The following COG5 variants were observed in gnomAD, a reference collection of about 807,000 sequenced individuals.
COG5 encodes component of oligomeric golgi complex 5.
COG5 carries 86 observed loss-of-function variants against 110.4 expected under a neutral mutation model. That is an observed-to-expected ratio of 0.78 (90% confidence interval 0.65 to 0.93). The LOEUF (loss-of-function observed/expected upper bound fraction) is 0.93, where lower values mean the gene tolerates loss of function less well. Among genes scored for constraint, COG5 ranks in the 40% least tolerant of loss-of-function variants. COG5 has a pLI of 0.00. For synonymous variants in COG5, 360 were observed against 334.6 expected (o/e 1.08, Z -0.83); for missense variants, 1,077 against 987.0 (o/e 1.09, Z -1.22).
chr7:107,492,529 T>A (rs1013217410), intron 6 of COG5, among the ~76,000 whole-genome samples: 1 of 152,140 alleles, frequency 6.6e-6, no homozygotes, highest in Non-Finnish European at 1.5e-5. Flanking sequence ...GCTGGCAGAA[T>A]GGAAGTCCTT....
chr7:107,333,107 G>T (rs532735137), intron 10 of COG5, among the ~76,000 whole-genome samples: 1 of 152,276 alleles, frequency 6.6e-6, no homozygotes, highest in Non-Finnish European at 1.5e-5. Context: ...TTAGCAAAAG[G>T]TCTATGCCAG....
At chr7:107,337,014 A>C (rs575659505) in intron 10 of COG5, among the ~76,000 whole-genome samples, 1 of 152,366 alleles carries the variant, frequency 6.6e-6, no homozygotes, top group African/African-American at 2.4e-5. Flanking sequence ...TCTCAAGAGA[A>C]GACATACAAA....
At position 107,217,622 on chromosome 7, in the gene COG5, C is replaced by T. The variant is rs148751749; in HGVS notation, c.2169-6397G>A. On this transcript the variant is annotated intron_variant, in intron 19 of 21. Transcript: ENST00000297135. ...CAATAAATGTGATGCATCGTATCAG[C>T]AGAACAAAAGACAAAAACCATATGA... Among the ~76,000 whole-genome samples, 3 of 152,112 alleles carry T rather than the reference C, an allele frequency of 2.0e-5. No homozygotes were observed. The East Asian group carries it at 5.8e-4, about 29-fold the overall frequency.
intron 21 of COG5, among the ~76,000 whole-genome samples, chr7:107,204,480 T>C (rs1055071852): frequency 7.9e-5 from 12 of 152,328 alleles, no homozygotes; most frequent in South Asian, 4.1e-4. Context: ...TATTGGTCTA[T>C]TTAAGTACCA....
rs1404270979 is a variant in COG5 at position 107,201,373 on chromosome 7, T to TG, written c.*2142dup. The TG allele has an allele frequency of 7.5e-7, 1 of 1,332,354 alleles. No individual in the cohort carries two copies. Among genetic ancestry groups the TG allele is most frequent in the Non-Finnish European group, 1.1e-6 (1 of 928,248 alleles). The allele number at this position is 1,332,354 out of a possible 1,614,324, so 82.5% of individuals were successfully genotyped here. ...TTTCATATATAGGATTACTATGTATTGATTTGTAAACATTCACTGAGTTTA... is the reference window on the plus strand; with the variant it reads ...TTTCATATATAGGATTACTATGTATTGGATTTGTAAACATTCACTGAGTTTA... On this transcript the variant is annotated 3_prime_UTR_variant, in exon 22 of 22. Transcript: ENST00000297135.
At chr7:107,390,918 G>A (rs535993033) in intron 7 of COG5, among the ~76,000 whole-genome samples, 2 of 151,712 alleles carry the variant, frequency 1.3e-5, no homozygotes, top group South Asian at 2.1e-4. Context: ...AAGGCCAGAA[G>A]GTTTTTGCAA....
At chr7:107,537,406 G>T (rs1801662282) in intron 5 of COG5, among the ~76,000 whole-genome samples, 1 of 152,104 alleles carries the variant, frequency 6.6e-6, no homozygotes, top group Non-Finnish European at 1.5e-5. Context: ...ATACTATGCA[G>T]CCATAAAAAA....
chr7:107,491,742 C>T (rs1797985269), intron 6 of COG5, among the ~76,000 whole-genome samples: 2 of 152,134 alleles, frequency 1.3e-5, no homozygotes, highest in South Asian at 4.1e-4. Flanking sequence ...CAATGTGAAA[C>T]AAACATGATT....
intron 5 of COG5, among the ~76,000 whole-genome samples, chr7:107,531,110 T>C (rs1801171596): frequency 6.6e-6 from 1 of 152,204 alleles, no homozygotes; most frequent in Non-Finnish European, 1.5e-5. Flanking sequence ...TTGTTTTTAA[T>C]CTGTTCTCTC....
intron 10 of COG5, among the ~76,000 whole-genome samples, chr7:107,326,561 C>A (rs77118584): frequency 0.01 from 1,555 of 151,852 alleles, 13 homozygotes; most frequent in Non-Finnish European, 0.013. Context: ...TAACAGTATC[C>A]AAAAGAATAC....
intron 11 of COG5, among the ~76,000 whole-genome samples, chr7:107,303,346 T>G (rs1172526855): frequency 6.6e-6 from 1 of 152,190 alleles, no homozygotes; most frequent in African/African-American, 2.4e-5. Context: ...ATTAATTAAC[T>G]GTAAGTTACT....
At chr7:107,547,221 T>C (rs1337154539) in intron 5 of COG5, among the ~76,000 whole-genome samples, 1 of 152,126 alleles carries the variant, frequency 6.6e-6, no homozygotes, top group Admixed American at 6.6e-5. Flanking sequence ...TAGTTCAACA[T>C]GTGCAAATCA....
chr7:107,281,779 C>T (rs1411317523), intron 13 of COG5, among the ~76,000 whole-genome samples: 1 of 152,030 alleles, frequency 6.6e-6, no homozygotes, highest in Non-Finnish European at 1.5e-5. Context: ...AAATGATGAC[C>T]TTAAAGGGAC....
At chr7:107,484,222 CTT>C (rs1281463454) in intron 6 of COG5, among the ~76,000 whole-genome samples, 2 of 151,872 alleles carry the variant, frequency 1.3e-5, no homozygotes, top group Middle Eastern at 3.2e-3. Flanking sequence ...AGCAAGATGA[CTT>C]TAAGAATTTT....
chr7:107,282,448 G>A (rs1805245440), intron 13 of COG5, among the ~76,000 whole-genome samples: 1 of 152,176 alleles, frequency 6.6e-6, no homozygotes, highest in Non-Finnish European at 1.5e-5. Context: ...GGACCAAGAT[G>A]CTGGGCAATC....
chr7:107,482,894 G>A (rs1797434143), intron 6 of COG5, among the ~76,000 whole-genome samples: 1 of 152,028 alleles, frequency 6.6e-6, no homozygotes, highest in African/African-American at 2.4e-5. Flanking sequence ...CAAACCAGAA[G>A]TACTATTCTT....
chr7:107,509,282 G>C (rs1369843749), intron 6 of COG5, among the ~76,000 whole-genome samples: 2 of 152,182 alleles, frequency 1.3e-5, no homozygotes, highest in Non-Finnish European at 2.9e-5. Context: ...CGATCAACTG[G>C]AAGAAAGGGT....
Position 107,202,477 on chromosome 7 carries a change from A to G in COG5, c.*1039T>C, listed in dbSNP as rs367826914. On this transcript the variant is annotated 3_prime_UTR_variant, in exon 22 of 22. Coordinates refer to ENST00000297135, the MANE Select transcript of COG5 (RefSeq NM_006348.5). ...ATGTTGCCCCTAAATTTTGCACACT[A>G]TATTCTTGTATATTATTTCAAATAA... is the stretch of plus-strand genomic sequence containing the variant. The G allele has an allele frequency of 6.6e-6, 1 of 152,624 alleles. No homozygotes were observed. The highest frequency in any genetic ancestry group is 2.1e-4 in the South Asian group (1 of 4,824). 9.5% of individuals were successfully genotyped at this position (152,624 alleles called of 1,614,324 possible).
chr7:107,472,363 T>C (rs1031473309), intron 6 of COG5: 1 of 151,984 alleles, frequency 6.6e-6, no homozygotes, highest in African/African-American at 2.4e-5. Flanking sequence ...AAAACTGTCA[T>C]AGTGAACCAA....
Sources: gnomAD v4.1 joint callset for allele counts (sites outside exome capture counted in the v4.1 genomes callset) on GRCh38, gnomAD v4.1.1 for gene constraint, MANE v1.5 for transcripts, NCBI Gene and HGNC (gene_info 2026-07-23, HGNC 2026-07-21) for gene names.